The following NOL4 variants were observed in gnomAD, a reference collection of about 807,000 sequenced individuals.
NOL4 encodes cancer/testis antigen 125.
A neutral mutation model predicts 75.9 loss-of-function variants in NOL4; 17 were observed. The observed-to-expected ratio is 0.22, with a 90% CI of 0.15 to 0.34. The LOEUF (loss-of-function observed/expected upper bound fraction) is 0.34, where lower values mean the gene tolerates loss of function less well. Among genes scored for constraint, NOL4 ranks in the 10% least tolerant of loss-of-function variants. The pLI is 1.00. For missense variants in NOL4, 614 were observed against 793.5 expected (o/e 0.77, Z 2.72); for synonymous variants, 292 against 289.9 (o/e 1.01, Z -0.07).
chr18:34,136,007 C>T (rs1229835908), intron 1 of NOL4, among the ~76,000 whole-genome samples: 7 of 151,950 alleles, frequency 4.6e-5, no homozygotes, highest in Admixed American at 1.3e-4. Context: ...GTAGGATTAT[C>T]CCAGGAATGC....
chr18:34,082,704 A>G (rs764773021), intron 5 of NOL4, among the ~76,000 whole-genome samples: 1 of 152,146 alleles, frequency 6.6e-6, no homozygotes, highest in Non-Finnish European at 1.5e-5. Context: ...ACTAAACTCC[A>G]CTGTCCCTAT....
At chr18:34,166,716 T>C (rs965584839) in intron 1 of NOL4, among the ~76,000 whole-genome samples, 2 of 151,980 alleles carry the variant, frequency 1.3e-5, no homozygotes, top group Non-Finnish European at 2.9e-5. Flanking sequence ...CATGGATGAA[T>C]AATATTTGGG....
At chr18:34,033,794 A>G (rs2075756009) in intron 5 of NOL4, among the ~76,000 whole-genome samples, 1 of 152,142 alleles carries the variant, frequency 6.6e-6, no homozygotes, top group Non-Finnish European at 1.5e-5. Flanking sequence ...AAAAAGAGCA[A>G]GAGAAAAGCA....
At chr18:33,885,905 G>T (rs2064613504) in intron 9 of NOL4, among the ~76,000 whole-genome samples, 1 of 152,116 alleles carries the variant, frequency 6.6e-6, no homozygotes, top group South Asian at 2.1e-4. Context: ...CAATAGCTAA[G>T]ATTTGGAAGC....
intron 10 of NOL4, among the ~76,000 whole-genome samples, chr18:33,881,540 C>G (rs1180043550): frequency 6.6e-6 from 1 of 151,672 alleles, no homozygotes; most frequent in Non-Finnish European, 1.5e-5. Flanking sequence ...AACCACTGCT[C>G]AAGGAAATAA....
intron 2 of NOL4, among the ~76,000 whole-genome samples, chr18:34,110,686 T>C (rs548918899): frequency 1.3e-5 from 2 of 152,008 alleles, no homozygotes; most frequent in South Asian, 2.1e-4. Flanking sequence ...CTAGTCAGAG[T>C]AATAAAAAGT....
chr18:33,933,806 G>A (rs551116821), intron 9 of NOL4, among the ~76,000 whole-genome samples: 26 of 152,114 alleles, frequency 1.7e-4, no homozygotes, highest in South Asian at 6.2e-4. Context: ...CACGAGGGTC[G>A]GAATCAACTT....
intron 6 of NOL4, among the ~76,000 whole-genome samples, chr18:33,982,317 C>A (rs778512347): frequency 6.6e-6 from 1 of 151,876 alleles, no homozygotes; most frequent in Non-Finnish European, 1.5e-5. Context: ...CCACAAGAAG[C>A]CCAATTCAAA....
chr18:33,864,929 G>A (rs1300458362), intron 10 of NOL4, among the ~76,000 whole-genome samples: 1 of 152,084 alleles, frequency 6.6e-6, no homozygotes, highest in African/African-American at 2.4e-5. Context: ...CGGATCTCAT[G>A]AGAACTCACT....
chr18:34,157,426 T>C, intron 1 of NOL4, among the ~76,000 whole-genome samples: 1 of 152,070 alleles, frequency 6.6e-6, no homozygotes, highest in East Asian at 1.9e-4. Flanking sequence ...AGGAAAATAG[T>C]TCAGTGAGTC....
chr18:33,977,175 T>C (rs949091691), intron 6 of NOL4, among the ~76,000 whole-genome samples: 15 of 152,236 alleles, frequency 9.9e-5, no homozygotes, highest in African/African-American at 3.6e-4. Context: ...AAAGATCCCA[T>C]GAGGTAGATA....
At chr18:33,889,695 A>T (rs1402922465) in intron 9 of NOL4, among the ~76,000 whole-genome samples, 1 of 152,114 alleles carries the variant, frequency 6.6e-6, no homozygotes, top group Non-Finnish European at 1.5e-5. Flanking sequence ...CACCACAATC[A>T]AGTTGGCTTC....
At chr18:33,901,333 G>A (rs1160370206) in intron 9 of NOL4, among the ~76,000 whole-genome samples, 1 of 152,058 alleles carries the variant, frequency 6.6e-6, no homozygotes, top group Non-Finnish European at 1.5e-5. Context: ...TTAACTTTAA[G>A]GTTCTTACTT....
chr18:33,884,831 G>A lies in NOL4; in HGVS notation c.1543-1407C>T, dbSNP rs187462107. 5.3e-5 allele frequency among the ~76,000 whole-genome samples: 8 copies of A among 152,224 alleles called. No homozygotes were observed. The East Asian group carries it at 1.5e-3, about 29-fold the overall frequency. On this transcript the variant is annotated intron_variant, in intron 9 of 10. Transcript: ENST00000261592. ...TTTGCTCTATTGAAACAGTAGTACT[G>A]TTGTATTGAGAATACTATGACCATC...
intron 2 of NOL4, among the ~76,000 whole-genome samples, chr18:34,128,649 C>A (rs931571796): frequency 1.3e-5 from 2 of 151,576 alleles, no homozygotes; most frequent in Admixed American, 6.6e-5. Flanking sequence ...AGGAAACTTA[C>A]AATAGTGCCT....
At chr18:33,912,009 G>C (rs888482367) in intron 9 of NOL4, among the ~76,000 whole-genome samples, 6 of 151,752 alleles carry the variant, frequency 4.0e-5, no homozygotes, top group African/African-American at 1.5e-4. Flanking sequence ...ATGGGACCTG[G>C]GTCTAACAAC....
At chr18:34,107,935 G>C (rs889296875) in intron 2 of NOL4, among the ~76,000 whole-genome samples, 1 of 152,132 alleles carries the variant, frequency 6.6e-6, no homozygotes, top group African/African-American at 2.4e-5. Flanking sequence ...GAATAAGGTA[G>C]AAAAGACGGT....
At chr18:33,904,469 T>G (rs557721281) in intron 9 of NOL4, among the ~76,000 whole-genome samples, 2 of 152,186 alleles carry the variant, frequency 1.3e-5, no homozygotes, top group East Asian at 3.9e-4. Flanking sequence ...ATATGTCATG[T>G]TATCCCTCCT....
chr18:33,934,297 G>A (rs1478823190), intron 9 of NOL4, among the ~76,000 whole-genome samples: 1 of 151,954 alleles, frequency 6.6e-6, no homozygotes, highest in Non-Finnish European at 1.5e-5. Context: ...ATTCTTAAGG[G>A]CCCTAGGATC....
Sources: gnomAD v4.1 joint callset for allele counts (sites outside exome capture counted in the v4.1 genomes callset) on GRCh38, gnomAD v4.1.1 for gene constraint, MANE v1.5 for transcripts, NCBI Gene and HGNC (gene_info 2026-07-23, HGNC 2026-07-21) for gene names.